VWC2: variants seen among roughly 807,000 people sequenced by gnomAD.
The protein encoded by VWC2 is brorin.
VWC2 carries 14 observed loss-of-function variants against 29.8 expected under a neutral mutation model. The observed-to-expected ratio is 0.47, with a 90% CI of 0.31 to 0.74. The LOEUF is 0.74. VWC2 is among the 30% of genes least tolerant of loss of function. The pLI, the probability that VWC2 is intolerant of heterozygous loss-of-function variation, is 0.05. For synonymous variants in VWC2, 213 were observed against 199.0 expected, an observed-to-expected ratio of 1.07 and a Z score of -0.59; for missense variants, 457 against 459.8, an observed-to-expected ratio of 0.99 and a Z score of 0.05.
rs368120838 is a variant in VWC2 at position 49,902,508 on chromosome 7, C to T, written c.827-9526C>T. ...GGGTAGTTTTTTGTTTGTTTGTTTG[C>T]TTGTTTTTTTAACAAATGACACTGT... On this transcript the variant is annotated intron_variant, in intron 3 of 3. Transcript: ENST00000340652. Among the ~76,000 whole-genome samples the T allele has an allele frequency of 6.0e-4, 87 of 145,522 alleles. 2 individuals carry two copies. The South Asian group carries it at 7.3e-3, about 12-fold the overall frequency.
rs1170323946 is a variant in VWC2, at chr7:49,912,981, C to G, written c.*796C>G. 6.6e-6 allele frequency: 1 copy of G among 152,134 alleles called. No individual in the cohort carries two copies. Among genetic ancestry groups the G allele is most frequent in the East Asian group, 1.9e-4 (1 of 5,192 alleles). The allele number at this position is 152,134 out of a possible 1,614,324, so 9.4% of individuals were successfully genotyped here. A position where few individuals can be genotyped will look rare whatever the true frequency, so the allele number is the denominator to read the frequency against. ...AGGCTGGAAAATTTGCATTACTGTT[C>G]CATCAAGCTGAAGCAGACAACAAAA... On this transcript the variant is annotated 3_prime_UTR_variant, in exon 4 of 4. Coordinates refer to ENST00000340652, the MANE Select transcript of VWC2 (RefSeq NM_198570.5).
chr7:49,874,246 G>A (rs1791300692), intron 3 of VWC2, among the ~76,000 whole-genome samples: 1 of 152,178 alleles, frequency 6.6e-6, no homozygotes, highest in African/African-American at 2.4e-5. Context: ...ACTGCACATA[G>A]GATGGTGGTC....
intron 3 of VWC2, among the ~76,000 whole-genome samples, chr7:49,854,812 C>T (rs1433327635): frequency 1.3e-5 from 2 of 152,174 alleles, no homozygotes; most frequent in African/African-American, 2.4e-5. Context: ...TTACTAAATG[C>T]TCTAGATAAA....
chr7:49,886,085 C>G (rs532119847), intron 3 of VWC2, among the ~76,000 whole-genome samples: 164 of 152,316 alleles, frequency 1.1e-3, no homozygotes, highest in African/African-American at 3.9e-3. Context: ...GAGGTCCAGA[C>G]TGGAGGCGTC....
intron 3 of VWC2, among the ~76,000 whole-genome samples, chr7:49,907,185 A>C (rs1262369289): frequency 6.6e-6 from 1 of 152,234 alleles, no homozygotes; most frequent in South Asian, 2.1e-4. Flanking sequence ...TAATTTGCTT[A>C]TTCTTAAAAA....
chr7:49,877,163 CA>C (rs1791445162), intron 3 of VWC2, among the ~76,000 whole-genome samples: 1 of 151,734 alleles, frequency 6.6e-6, no homozygotes, highest in South Asian at 2.1e-4. Context: ...TCTCAGTGCT[CA>C]AAAATATTTA....
At chr7:49,869,775 G>C (rs1379369299) in intron 3 of VWC2, among the ~76,000 whole-genome samples, 1 of 152,090 alleles carries the variant, frequency 6.6e-6, no homozygotes, top group Non-Finnish European at 1.5e-5. Flanking sequence ...AAGAGAATTG[G>C]ATGTGCACGG....
At chr7:49,810,312 AATAG>A (rs1237531332) in intron 3 of VWC2, among the ~76,000 whole-genome samples, 1 of 152,090 alleles carries the variant, frequency 6.6e-6, no homozygotes, top group Non-Finnish European at 1.5e-5. Context: ...CTTCAAAAAG[AATAG>A]ATACTTAGAA....
chr7:49,832,708 G>A (rs1279601183), intron 3 of VWC2, among the ~76,000 whole-genome samples: 1 of 152,130 alleles, frequency 6.6e-6, no homozygotes, highest in African/African-American at 2.4e-5. Flanking sequence ...GCCTAGTGCA[G>A]GAGGCTGGTC....
intron 3 of VWC2, among the ~76,000 whole-genome samples, chr7:49,859,684 T>C (rs1392072778): frequency 2.0e-5 from 3 of 152,244 alleles, no homozygotes; most frequent in Non-Finnish European, 4.4e-5. Context: ...ATACTATGTG[T>C]TGCCAATCGG....
chr7:49,791,650 C>T (rs889470731), intron 2 of VWC2, among the ~76,000 whole-genome samples: 2 of 152,204 alleles, frequency 1.3e-5, no homozygotes, highest in Non-Finnish European at 2.9e-5. Flanking sequence ...TTTCTGAGTG[C>T]CCCCTCCACC....
intron 3 of VWC2, among the ~76,000 whole-genome samples, chr7:49,842,249 A>G (rs1789812830): frequency 6.6e-6 from 1 of 152,228 alleles, no homozygotes; most frequent in Admixed American, 6.5e-5. Flanking sequence ...ATATGCATGA[A>G]CTAGTAAATG....
chr7:49,873,233 AT>A (rs1757298561), intron 3 of VWC2, among the ~76,000 whole-genome samples: 1 of 152,120 alleles, frequency 6.6e-6, no homozygotes, highest in African/African-American at 2.4e-5. Context: ...ACAGACATTT[AT>A]TTTTTACAGT....
rs552753703 is a variant in VWC2 at position 49,913,350 on chromosome 7, G to A, written c.*1165G>A. 6.6e-6 allele frequency: 1 copy of A among 152,234 alleles called. No homozygotes were observed. The highest frequency in any genetic ancestry group is 2.4e-5 in the African/African-American group (1 of 41,524). The allele number at this position is 152,234 out of a possible 1,614,324, so 9.4% of individuals were successfully genotyped here. A position where few individuals can be genotyped will look rare whatever the true frequency, so the allele number is the denominator to read the frequency against. The stretch of plus-strand genomic sequence containing the variant: ...AGAGAACATAAAAAGCCACTGCAAA[G>A]TCCTGCTAATCTAATTAATGCATAA... On this transcript the variant is annotated 3_prime_UTR_variant, in exon 4 of 4. Coordinates refer to ENST00000340652, the MANE Select transcript of VWC2 (RefSeq NM_198570.5).
At chr7:49,809,552 A>G (rs538587227) in intron 3 of VWC2, among the ~76,000 whole-genome samples, 7 of 152,160 alleles carry the variant, frequency 4.6e-5, no homozygotes, top group Admixed American at 1.3e-4. Context: ...GAAGGTAGAC[A>G]AAAACACCCC....
rs1041366522 is a variant in VWC2 at position 49,917,983 on chromosome 7, A to G, written c.*5798A>G. On this transcript the variant is annotated 3_prime_UTR_variant, in exon 4 of 4. Coordinates refer to ENST00000340652, the MANE Select transcript of VWC2 (RefSeq NM_198570.5). Reference sequence around the variant, plus strand: ...CTTATAATGGAAAAAAGTGAAAAGTATCCAGTAAGTAATATACACCTATGA... The same window carrying G: ...CTTATAATGGAAAAAAGTGAAAAGTGTCCAGTAAGTAATATACACCTATGA... 8 of 152,204 alleles carry G rather than the reference A, an allele frequency of 5.3e-5. No homozygotes were observed. The highest frequency in any genetic ancestry group is 2.9e-5 in the Non-Finnish European group (2 of 68,024). 9.4% of individuals were successfully genotyped at this position (152,204 alleles called of 1,614,324 possible). A position where few individuals can be genotyped will look rare whatever the true frequency, so the allele number is the denominator to read the frequency against.
At chr7:49,895,731 G>GCGT (rs1554341244) in intron 3 of VWC2, among the ~76,000 whole-genome samples, 1 of 151,528 alleles carries the variant, frequency 6.6e-6, no homozygotes, top group East Asian at 1.9e-4. Flanking sequence ...TTTTCTGCCT[G>GCGT]CATATTTCTT....
chr7:49,812,341 C>T (rs1789033479), intron 3 of VWC2, among the ~76,000 whole-genome samples: 1 of 152,040 alleles, frequency 6.6e-6, no homozygotes, highest in Non-Finnish European at 1.5e-5. Context: ...AAATCTTGAC[C>T]CTCTTAACAA....
intron 3 of VWC2, among the ~76,000 whole-genome samples, chr7:49,887,020 C>CT (rs1791933826): frequency 6.6e-6 from 1 of 151,758 alleles, no homozygotes. Context: ...ATTTTAAGTA[C>CT]TTTTTTGCAG....
Sources: allele counts gnomAD v4.1 joint callset (sites outside exome capture counted in the v4.1 genomes callset), GRCh38; gene constraint gnomAD v4.1.1; transcripts MANE v1.5; gene names NCBI Gene and HGNC (gene_info 2026-07-23, HGNC 2026-07-21).